The following KIF24 variants were observed in gnomAD, a reference collection of about 807,000 sequenced individuals.
KIF24 encodes the protein kinesin-like protein KIF24.
A neutral mutation model predicts 118.9 loss-of-function variants in KIF24; 81 were observed. That is an observed-to-expected ratio of 0.68 (90% CI 0.57 to 0.82). The LOEUF is 0.82. Ranked by LOEUF, KIF24 falls within the 40% of genes least tolerant of loss-of-function variation. The probability of loss-of-function intolerance (pLI) is 0.00; values close to 1 mark genes in which losing one functional copy is unlikely to be tolerated. For missense variants in KIF24, 1,560 were observed against 1,661.6 expected (o/e 0.94, Z 1.06); for synonymous variants, 599 against 610.0 (o/e 0.98, Z 0.27).
chr9:34,288,618 G>C (rs1371875144), intron 5 of KIF24, among the ~76,000 whole-genome samples: 1 of 149,486 alleles, frequency 6.7e-6, no homozygotes, highest in Non-Finnish European at 1.5e-5. Flanking sequence ...CAATTAAATG[G>C]ATATATATAT....
At chr9:34,265,975 C>G (rs1276336713) in intron 8 of KIF24, among the ~76,000 whole-genome samples, 2 of 152,082 alleles carry the variant, frequency 1.3e-5, no homozygotes, top group Non-Finnish European at 2.9e-5. Flanking sequence ...TCACTGCAGC[C>G]TCAACCTCCT....
chr9:34,289,518 C>T (rs1039472200), intron 5 of KIF24, among the ~76,000 whole-genome samples: 4 of 152,190 alleles, frequency 2.6e-5, no homozygotes, highest in Admixed American at 6.5e-5. Flanking sequence ...CCCCCATTCC[C>T]TCTAACCTCT....
chr9:34,313,030 T>A (rs1837220171), intron 1 of KIF24, among the ~76,000 whole-genome samples: 1 of 152,222 alleles, frequency 6.6e-6, no homozygotes, highest in Admixed American at 6.5e-5. Context: ...AGATTTGTTT[T>A]TTAAAGACCA....
chr9:34,303,448 T>C (rs1216591247), intron 3 of KIF24, among the ~76,000 whole-genome samples: 2 of 152,224 alleles, frequency 1.3e-5, no homozygotes. Flanking sequence ...CCTATCACAG[T>C]TAATAGCTTT....
intron 3 of KIF24, among the ~76,000 whole-genome samples, chr9:34,303,731 C>T (rs1404781050): frequency 6.6e-6 from 1 of 152,102 alleles, no homozygotes; most frequent in Non-Finnish European, 1.5e-5. Flanking sequence ...TACCTGTAGT[C>T]CCAGCTACTC....
Position 34,254,179 on chromosome 9 carries a change from G to T in KIF24, c.*201C>A. ...ACCCTTGGAGGCACTCCTGTGCATG[G>T]AACTGAGGGACAGGGGCCTGTCCCT... On this transcript the variant is annotated 3_prime_UTR_variant, in exon 13 of 13. Transcript: ENST00000402558. 2.0e-6 allele frequency: 1 copy of T among 490,588 alleles called. No homozygotes were observed. Among genetic ancestry groups the T allele is most frequent in the Non-Finnish European group, 3.5e-6 (1 of 282,220 alleles). 30.4% of individuals were successfully genotyped at this position (490,588 alleles called of 1,614,324 possible).
At chr9:34,260,332 T>C (rs1357647293) in intron 9 of KIF24, among the ~76,000 whole-genome samples, 7 of 152,212 alleles carry the variant, frequency 4.6e-5, no homozygotes, top group Non-Finnish European at 2.9e-5. Context: ...AGTAAAAATC[T>C]AGGTATCTAT....
intron 8 of KIF24, among the ~76,000 whole-genome samples, chr9:34,266,607 G>A (rs1835298445): frequency 6.6e-6 from 1 of 151,596 alleles, no homozygotes; most frequent in Non-Finnish European, 1.5e-5. Flanking sequence ...GAACCTAGCA[G>A]GCAGAGGTTG....
intron 8 of KIF24, among the ~76,000 whole-genome samples, chr9:34,265,047 AG>A (rs1835235803): frequency 6.6e-6 from 1 of 152,230 alleles, no homozygotes. Flanking sequence ...ATATATAGAC[AG>A]AAAAATGATT....
chr9:34,303,852 C>T (rs1418879288), intron 3 of KIF24, among the ~76,000 whole-genome samples: 1 of 152,106 alleles, frequency 6.6e-6, no homozygotes, highest in Admixed American at 6.6e-5. Flanking sequence ...CTGTCTCAAA[C>T]AGACAGACAA....
At chr9:34,276,887 C>G (rs1437418215) in intron 6 of KIF24, among the ~76,000 whole-genome samples, 1 of 152,182 alleles carries the variant, frequency 6.6e-6, no homozygotes, top group Non-Finnish European at 1.5e-5. Context: ...AAAAGCACTG[C>G]TAACTAAGCT....
chr9:34,262,179 T>C lies in KIF24; in HGVS notation c.1515+922A>G, dbSNP rs915199157. ...CCTGGGCTCAAGTGATCCAATTGCC[T>C]CAGCTTCCCAAAGTGCTGGGATTAC... On this transcript the variant is annotated intron_variant, in intron 9 of 12. Coordinates refer to ENST00000402558, the MANE Select transcript of KIF24 (RefSeq NM_194313.4). Among the ~76,000 whole-genome samples, 5 of 152,190 alleles carry C rather than the reference T, an allele frequency of 3.3e-5. No homozygotes were observed. The East Asian group carries it at 5.8e-4, about 18-fold the overall frequency.
chr9:34,271,734 T>C, intron 7 of KIF24, 75 bp downstream of exon 7: 2 of 1,517,490 alleles, frequency 1.3e-6, no homozygotes, highest in East Asian at 2.3e-5. Context: ...GGGTATCCTG[T>C]TGTTGAGAAA....
chr9:34,328,707 T>C (rs1400335386), intron 1 of KIF24, among the ~76,000 whole-genome samples: 28 of 152,234 alleles, frequency 1.8e-4, no homozygotes, highest in Non-Finnish European at 4.0e-4. Flanking sequence ...GAACGATGCT[T>C]GCCTTACCTC....
At chr9:34,288,495 G>GA (rs1218793891) in intron 5 of KIF24, among the ~76,000 whole-genome samples, 309 of 128,444 alleles carry the variant, frequency 2.4e-3, no homozygotes, top group African/African-American at 7.5e-3. Flanking sequence ...CTCAGAAAAA[G>GA]AAAAAAAAAA....
At position 34,318,887 on chromosome 9, in the gene KIF24, A is replaced by T. The variant is rs1034374275; in HGVS notation, c.-25-7516T>A. ...CTACAACTGCGAGCACTCCAAGATC[A>T]ATTTCCATGACAAGCGCAGTGCGCT... On this transcript the variant is annotated intron_variant, in intron 1 of 12. Coordinates refer to ENST00000402558, the MANE Select transcript of KIF24 (RefSeq NM_194313.4). This position sits in a 1 kb window ranked among gnomAD's most constrained non-coding sequence, Gnocchi z 4.9. 1.3e-6 allele frequency: 2 copies of T among 1,599,354 alleles called. No individual in the cohort carries two copies. The highest frequency in any genetic ancestry group is 2.7e-5 in the African/African-American group (2 of 74,764).
At position 34,319,049 on chromosome 9, in the gene KIF24, C is replaced by T. The variant is rs575937153; in HGVS notation, c.-25-7678G>A. On this transcript the variant is annotated intron_variant, in intron 1 of 12. Transcript: ENST00000402558. ...GCCACACTGGAATGAGAAATTCCAC[C>T]ACAAGATGGTGGAAAACCGTGGCTT... is the stretch of plus-strand genomic sequence containing the variant. 7.7e-5 allele frequency: 99 copies of T among 1,284,760 alleles called. 1 individual carries two copies. The African/African-American group carries it at 1.3e-3, about 16-fold the overall frequency. 79.6% of individuals were successfully genotyped at this position (1,284,760 alleles called of 1,614,324 possible). A position where few individuals can be genotyped will look rare whatever the true frequency, so the allele number is the denominator to read the frequency against.
At chr9:34,259,482 G>A (rs1834974221) in intron 10 of KIF24, 114 bp downstream of exon 10, 2 of 750,904 alleles carry the variant, frequency 2.7e-6, no homozygotes, top group Admixed American at 2.0e-5. Flanking sequence ...GAGTGGGAGA[G>A]ACATGTGCAT....
At chr9:34,315,924 G>A (rs1428484194) in intron 1 of KIF24, among the ~76,000 whole-genome samples, 1 of 152,110 alleles carries the variant, frequency 6.6e-6, no homozygotes, top group East Asian at 1.9e-4. Flanking sequence ...AGCTACTCAG[G>A]AGGCTGAGGT....
Sources: allele counts gnomAD v4.1 joint callset (sites outside exome capture counted in the v4.1 genomes callset), GRCh38; gene constraint gnomAD v4.1.1; non-coding constraint Gnocchi (gnomAD v3.1); transcripts MANE v1.5; gene names NCBI Gene and HGNC (gene_info 2026-07-23, HGNC 2026-07-21).